CCDC141: variants seen among roughly 807,000 people sequenced by gnomAD.
CCDC141 encodes the protein coiled-coil domain containing 141.
In CCDC141, 168 loss-of-function variants were observed where a neutral mutation model predicts 181.0. That is an observed-to-expected ratio of 0.93 (90% CI 0.82 to 1.05). The LOEUF (loss-of-function observed/expected upper bound fraction) is 1.05, where lower values mean the gene tolerates loss of function less well. CCDC141 is among the 50% of genes least tolerant of loss of function. CCDC141 has a pLI of 0.00. For missense variants in CCDC141, 1,902 were observed against 1,788.5 expected (o/e 1.06, Z -1.14); for synonymous variants, 666 against 642.3 (o/e 1.04, Z -0.56).
At chr2:178,855,599 T>C (rs1685350538) in intron 18 of CCDC141, 58 bp from the exon 19 acceptor site, 2 of 1,216,392 alleles carry the variant, frequency 1.6e-6, no homozygotes, top group Non-Finnish European at 2.3e-6. Flanking sequence ...ATGATGCTAG[T>C]GATTAAATAC....
At chr2:178,821,975 C>T in the CCDC141 span, among the ~76,000 whole-genome samples, 2 of 152,102 alleles carry the variant, frequency 1.3e-5, no homozygotes, top group Non-Finnish European at 2.9e-5. Context: ...TATTGTGGCA[C>T]TATTCACAAT....
chr2:178,865,871 G>C lies in CCDC141; in HGVS notation c.2620C>G (p.Leu874Val), dbSNP rs1291132467. Reference sequence around the variant, plus strand: ...CACTTCATGCTGTCCTCCTCAAGGAGCTCCAGCTGCTGCTGTAGGTTCTTT... The same window carrying C: ...CACTTCATGCTGTCCTCCTCAAGGACCTCCAGCTGCTGCTGTAGGTTCTTT... Reference protein sequence around the residue: ...SAKNLQQQLELLEEDSMKWRA... With the variant: ...SAKNLQQQLEVLEEDSMKWRA... Residue 874 changes from leucine (L) to valine (V), a missense_variant, in exon 17 of 24, where the codon CTC becomes GTC. Transcript: ENST00000443758. 1.2e-6 allele frequency: 2 copies of C among 1,602,330 alleles called. No homozygotes were observed. The highest frequency in any genetic ancestry group is 2.7e-5 in the African/African-American group (2 of 74,398).
intron 2 of CCDC141, among the ~76,000 whole-genome samples, chr2:179,044,533 T>G (rs1262585154): frequency 2.6e-5 from 4 of 152,136 alleles, no homozygotes; most frequent in Non-Finnish European, 5.9e-5. Flanking sequence ...TAGTCCTGGA[T>G]GGAGTAGGGA....
chr2:178,926,997 C>T (rs947571743), intron 6 of CCDC141, among the ~76,000 whole-genome samples: 4 of 152,046 alleles, frequency 2.6e-5, no homozygotes, highest in Admixed American at 6.6e-5. Flanking sequence ...TCTATATGCC[C>T]ATGTGGTTAT....
At chr2:178,817,795 C>CTTCCTCCG in the CCDC141 span, 40 of 290,710 alleles carry the variant, frequency 1.4e-4, no homozygotes, top group Admixed American at 1.8e-3. Context: ...TCCTTCCTTC[C>CTTCCTCCG]TCCCTCCCTC....
intron 2 of CCDC141, among the ~76,000 whole-genome samples, chr2:179,046,397 T>C (rs1024801786): frequency 1.1e-4 from 16 of 152,218 alleles, no homozygotes; most frequent in African/African-American, 3.9e-4. Flanking sequence ...TCATCAGACA[T>C]GTGGTCCTAT....
intron 7 of CCDC141, among the ~76,000 whole-genome samples, chr2:178,916,326 C>T (rs1281750806): frequency 6.6e-6 from 1 of 151,890 alleles, no homozygotes; most frequent in African/African-American, 2.4e-5. Flanking sequence ...TTTAAAACTT[C>T]AGTTCTTTAT....
rs578074903 is a variant in CCDC141 at position 178,883,050 on chromosome 2, T to G, written c.1719+1851A>C. Among the ~76,000 whole-genome samples, 5 of 152,306 alleles carry G rather than the reference T, an allele frequency of 3.3e-5. No homozygotes were observed. In the East Asian group the frequency reaches 9.6e-4, roughly 29 times the overall value. ...AAAGCAGGAAGCTAAAATGTTTTGA[T>G]TAAATTGTTGTTTGCAAAGCTAAGC... On this transcript the variant is annotated intron_variant, in intron 11 of 23. Coordinates refer to ENST00000443758, the MANE Select transcript of CCDC141 (RefSeq NM_173648.4).
At chr2:178,860,632 A>G (rs1685571143) in intron 17 of CCDC141, among the ~76,000 whole-genome samples, 1 of 134,288 alleles carries the variant, frequency 7.4e-6, no homozygotes, top group South Asian at 2.3e-4. Flanking sequence ...GGCTCCAGCA[A>G]TCCTCCTACC....
intron 2 of CCDC141, among the ~76,000 whole-genome samples, chr2:178,998,117 A>ATG (rs1341383637): frequency 6.6e-6 from 1 of 152,082 alleles, no homozygotes; most frequent in Non-Finnish European, 1.5e-5. Context: ...GAATATTTGT[A>ATG]TATTGATTTC....
intron 2 of CCDC141, among the ~76,000 whole-genome samples, chr2:179,020,239 A>G (rs1226916097): frequency 1.3e-5 from 2 of 152,120 alleles, no homozygotes; most frequent in Non-Finnish European, 2.9e-5. Flanking sequence ...TTAAAATCCA[A>G]AAGCATAATT....
At chr2:178,989,027 A>G (rs968169806) in intron 2 of CCDC141, among the ~76,000 whole-genome samples, 9 of 152,226 alleles carry the variant, frequency 5.9e-5, no homozygotes, top group African/African-American at 2.2e-4. Context: ...ATCTCAATGT[A>G]AAAGCTAAAA....
intron 6 of CCDC141, among the ~76,000 whole-genome samples, chr2:178,921,722 T>C (rs1320810771): frequency 1.3e-5 from 2 of 152,180 alleles, no homozygotes; most frequent in African/African-American, 4.8e-5. Flanking sequence ...TGGAACAATG[T>C]TGGGGAAAAA....
intron 5 of CCDC141, among the ~76,000 whole-genome samples, chr2:178,945,320 G>A (rs1446042876): frequency 2.6e-5 from 4 of 152,046 alleles, no homozygotes; most frequent in Non-Finnish European, 5.9e-5. Flanking sequence ...TTTTACACTC[G>A]AATCCTGTAT....
At chr2:178,992,668 C>T (rs1575318629) in intron 2 of CCDC141, among the ~76,000 whole-genome samples, 1 of 152,118 alleles carries the variant, frequency 6.6e-6, no homozygotes, top group Non-Finnish European at 1.5e-5. Context: ...ATGAGTGAGT[C>T]TATCATTGCT....
At chr2:178,961,165 T>C (rs1279045659) in intron 5 of CCDC141, 65 bp downstream of exon 5, 1 of 1,488,902 alleles carries the variant, frequency 6.7e-7, no homozygotes, top group African/African-American at 1.4e-5. Context: ...CCCCAGGGAA[T>C]GGTTAATCCA....
At chr2:178,872,413 A>C in intron 12 of CCDC141, 101 bp from the exon 13 acceptor site, 1 of 1,117,480 alleles carries the variant, frequency 8.9e-7, no homozygotes, top group Non-Finnish European at 1.3e-6. Context: ...ATCACAACCA[A>C]AGCCGAAGAT....
At chr2:178,933,161 T>C (rs903003484) in intron 6 of CCDC141, among the ~76,000 whole-genome samples, 3 of 152,208 alleles carry the variant, frequency 2.0e-5, no homozygotes, top group South Asian at 4.1e-4. Flanking sequence ...TGAATGCTGC[T>C]ATATTAAAAC....
At chr2:179,033,978 A>G (rs1190940308) in intron 2 of CCDC141, among the ~76,000 whole-genome samples, 3 of 152,206 alleles carry the variant, frequency 2.0e-5, no homozygotes, top group Non-Finnish European at 4.4e-5. Flanking sequence ...TTACTAATTT[A>G]AAACTTTATT....
Sources: gnomAD v4.1 joint callset for allele counts (sites outside exome capture counted in the v4.1 genomes callset) on GRCh38, gnomAD v4.1.1 for gene constraint, MANE v1.5 for transcripts, NCBI Gene and HGNC (gene_info 2026-07-23, HGNC 2026-07-21) for gene names.